AP2A2: variants seen among roughly 807,000 people sequenced by gnomAD.
The protein encoded by AP2A2 is AP-2 complex subunit alpha-2.
AP2A2 carries 32 observed loss-of-function variants against 104.2 expected under a neutral mutation model. That is an observed-to-expected ratio of 0.31 (90% CI 0.23 to 0.41). The LOEUF (loss-of-function observed/expected upper bound fraction) is 0.41, where lower values mean the gene tolerates loss of function less well. Among genes scored for constraint, AP2A2 ranks in the 10% least tolerant of loss-of-function variants. The probability of loss-of-function intolerance (pLI) is 1.00; values close to 1 mark genes in which losing one functional copy is unlikely to be tolerated. For synonymous variants in AP2A2, 539 were observed against 533.3 expected, an observed-to-expected ratio of 1.01 and a Z score of -0.15; for missense variants, 912 against 1,261.0, an observed-to-expected ratio of 0.72 and a Z score of 4.19.
chr11:953,545 GC>G (rs58494894), intron 1 of AP2A2, among the ~76,000 whole-genome samples: 1,221 of 105,710 alleles, frequency 0.012, 11 homozygotes, highest in African/African-American at 0.025. Context: ...TACCGTAAGA[GC>G]CCCCCCCCCC....
intron 5 of AP2A2, among the ~76,000 whole-genome samples, chr11:980,595 C>T (rs1467092943): frequency 1.3e-5 from 2 of 152,186 alleles, no homozygotes; most frequent in Non-Finnish European, 2.9e-5. Context: ...TGCTTGTGCC[C>T]TGGGATCTGA....
intron 18 of AP2A2, 144 bp downstream of exon 18, chr11:1,008,279 A>C (rs1856278780): frequency 6.5e-6 from 8 of 1,230,728 alleles, no homozygotes; most frequent in Non-Finnish European, 8.7e-6. Context: ...GGCCTGAGCT[A>C]TTGCTGCCCC....
intron 21 of AP2A2, chr11:1,010,102 C>T (rs942440056): frequency 1.3e-4 from 61 of 484,758 alleles, no homozygotes; most frequent in Admixed American, 1.0e-4. Flanking sequence ...AGCTGGCCAC[C>T]GTGGAGCATC....
At chr11:965,502 G>T (rs945144607) in intron 2 of AP2A2, among the ~76,000 whole-genome samples, 13 of 152,198 alleles carry the variant, frequency 8.5e-5, no homozygotes, top group Non-Finnish European at 1.6e-4. Flanking sequence ...CTGATGTGTG[G>T]CCTAAGGTGT....
intron 1 of AP2A2, chr11:946,653 T>G (rs190435035): frequency 1.3e-5 from 2 of 151,922 alleles, no homozygotes; most frequent in Admixed American, 1.3e-4. Flanking sequence ...CGCCTGTAAT[T>G]TAGCTACTCA....
At position 1,011,480 on chromosome 11, in the gene AP2A2, C is replaced by G. The variant is rs943840053; in HGVS notation, c.*855C>G. The stretch of plus-strand genomic sequence containing the variant: ...CCCCGTCCAGTCGTCCCTGGAGGGG[C>G]TGTGGAGGAGGGACGCCTCTGTGTG... On this transcript the variant is annotated 3_prime_UTR_variant, in exon 22 of 22. Transcript: ENST00000448903. The G allele has an allele frequency of 2.0e-6, 1 of 498,850 alleles. No individual in the cohort carries two copies. The highest frequency in any genetic ancestry group is 4.0e-6 in the Non-Finnish European group (1 of 250,144). The allele number at this position is 498,850 out of a possible 1,614,324, so 30.9% of individuals were successfully genotyped here. A position where few individuals can be genotyped will look rare whatever the true frequency, so the allele number is the denominator to read the frequency against.
chr11:1,006,615 C>T lies in AP2A2; in HGVS notation c.2294C>T (p.Pro765Leu). The change falls in exon 17 of 22, where the codon CCT becomes CTT. Residue 765 changes from proline (P) to leucine (L), a missense_variant and splice_region_variant. Pro to Leu is a moderately conservative substitution (Grantham distance 98, BLOSUM62 -3). Coordinates refer to ENST00000448903, the MANE Select transcript of AP2A2 (RefSeq NM_012305.4). ...PTLICSDDLQ[P>L]NLNLQTKPVD... Reference sequence around the variant, plus strand: ...CTAATCTGTTCAGACGACCTTCAGCCTAATATCCTTGGCTTCATTGCCCCA... The same window carrying T: ...CTAATCTGTTCAGACGACCTTCAGCTTAATATCCTTGGCTTCATTGCCCCA... The T allele has an allele frequency of 6.2e-7, 1 of 1,612,432 alleles. No individual in the cohort carries two copies. Among genetic ancestry groups the T allele is most frequent in the African/African-American group, 1.3e-5 (1 of 75,028 alleles).
intron 2 of AP2A2, among the ~76,000 whole-genome samples, chr11:961,181 C>T (rs1215382763): frequency 6.6e-6 from 1 of 150,456 alleles, no homozygotes; most frequent in Non-Finnish European, 1.5e-5. Flanking sequence ...CAGCCGCCGC[C>T]ACCAGTGAAA....
At chr11:974,764 A>ATCATGAGT (rs1854962740) in intron 4 of AP2A2, among the ~76,000 whole-genome samples, 1 of 150,486 alleles carries the variant, frequency 6.6e-6, no homozygotes, top group Admixed American at 6.6e-5. Flanking sequence ...AGACGGGCAG[A>ATCATGAGT]TCATGAGTTC....
intron 2 of AP2A2, among the ~76,000 whole-genome samples, chr11:964,117 G>T (rs1259481334): frequency 2.6e-5 from 4 of 152,236 alleles, no homozygotes; most frequent in Non-Finnish European, 5.9e-5. Flanking sequence ...TCACCAGAGG[G>T]AATACCCGTA....
chr11:987,308 GAA>G (rs1416950865), intron 9 of AP2A2, among the ~76,000 whole-genome samples: 1 of 152,154 alleles, frequency 6.6e-6, no homozygotes, highest in Non-Finnish European at 1.5e-5. Context: ...TTATCTCCAA[GAA>G]AATCCCCCTT....
At position 994,252 on chromosome 11, in the gene AP2A2, C is replaced by T. The variant is rs1364667825; in HGVS notation, c.1956+7C>T. 6.2e-7 allele frequency: 1 copy of T among 1,612,362 alleles called. No homozygotes were observed. The highest frequency in any genetic ancestry group is 1.1e-5 in the South Asian group (1 of 91,062). ...AGCCAGTACCAGCGCCGTGGTGGGTCCCTCACCTACTGTGCACCCAGACCT... is the reference window on the plus strand; with the variant it reads ...AGCCAGTACCAGCGCCGTGGTGGGTTCCTCACCTACTGTGCACCCAGACCT... On this transcript the variant is annotated splice_region_variant and intron_variant, in intron 14 of 21. Transcript: ENST00000448903.
rs1256189507 is a variant in AP2A2 at position 990,979 on chromosome 11, T to G, written c.1270-1524T>G. On this transcript the variant is annotated intron_variant, in intron 10 of 21. Transcript: ENST00000448903. ...ACCCCATCCTTTCAGTCGGGTATGG[T>G]GCTCCCCTCCGTCCTTTTAGCCGGG... Among the ~76,000 whole-genome samples the G allele has an allele frequency of 7.1e-5, 10 of 140,870 alleles. No individual in the cohort carries two copies. In the Admixed American group the frequency reaches 7.1e-4, roughly 10 times the overall value. 92.4% of individuals were successfully genotyped at this position (140,870 alleles called of 152,430 possible). A position where few individuals can be genotyped will look rare whatever the true frequency, so the allele number is the denominator to read the frequency against.
chr11:933,580 G>T, intron 1 of AP2A2: 1 of 456,258 alleles, frequency 2.2e-6, no homozygotes, highest in Non-Finnish European at 4.4e-6. Flanking sequence ...TGGCCAAGAC[G>T]CATAGAAGAA....
At chr11:1,010,487 T>G (rs1217816599) in intron 21 of AP2A2, 61 bp from the exon 22 acceptor site, 1 of 1,406,998 alleles carries the variant, frequency 7.1e-7, no homozygotes, top group African/African-American at 1.4e-5. Context: ...TGGCGGATCC[T>G]GGACCCGAGG....
chr11:960,699 G>A (rs1175010492), intron 2 of AP2A2, among the ~76,000 whole-genome samples: 4 of 151,786 alleles, frequency 2.6e-5, no homozygotes, highest in African/African-American at 7.3e-5. Context: ...TGTACTTCTA[G>A]TAGAGATGGG....
intron 1 of AP2A2, among the ~76,000 whole-genome samples, chr11:952,270 A>G (rs536605220): frequency 2.1e-4 from 32 of 152,364 alleles, no homozygotes; most frequent in African/African-American, 7.5e-4. Flanking sequence ...ATCATCTGTC[A>G]TAGGCTCCTT....
At chr11:949,086 C>G (rs1564787748) in intron 1 of AP2A2, among the ~76,000 whole-genome samples, 1 of 151,750 alleles carries the variant, frequency 6.6e-6, no homozygotes, top group Non-Finnish European at 1.5e-5. Flanking sequence ...GTCAGGAGTT[C>G]AAGACCAGCC....
In AP2A2 at chr11:1,011,514, G is replaced by A. The variant is rs759504958; in HGVS notation, c.*889G>A. The A allele has an allele frequency of 1.4e-5, 7 of 492,118 alleles. No homozygotes were observed. The highest frequency in any genetic ancestry group is 1.0e-4 in the South Asian group (7 of 68,030). 30.5% of individuals were successfully genotyped at this position (492,118 alleles called of 1,614,324 possible). On this transcript the variant is annotated 3_prime_UTR_variant, in exon 22 of 22. Coordinates refer to ENST00000448903, the MANE Select transcript of AP2A2 (RefSeq NM_012305.4). ...AGGGACGCCTCTGTGTGGTCAGGAA[G>A]TGAAGGGGCCATTGGCCGCATGCCA...
Sources: allele counts gnomAD v4.1 joint callset (sites outside exome capture counted in the v4.1 genomes callset), GRCh38; gene constraint gnomAD v4.1.1; transcripts MANE v1.5; gene names NCBI Gene and HGNC (gene_info 2026-07-23, HGNC 2026-07-21).